Variants in HKDC1 observed in about 807,000 individuals in gnomAD.
HKDC1 encodes hexokinase HKDC1.
A neutral mutation model predicts 96.6 loss-of-function variants in HKDC1; 66 were observed. The observed-to-expected ratio is 0.68, with a 90% CI of 0.56 to 0.84. The LOEUF (loss-of-function observed/expected upper bound fraction) is 0.84, where lower values mean the gene tolerates loss of function less well. Ranked by LOEUF, HKDC1 falls within the 40% of genes least tolerant of loss-of-function variation. The probability of loss-of-function intolerance (pLI) is 0.00; values close to 1 mark genes in which losing one functional copy is unlikely to be tolerated. For synonymous variants in HKDC1, 466 were observed against 473.1 expected (o/e 0.98, Z 0.20); for missense variants, 1,211 against 1,208.1 (o/e 1.00, Z -0.04).
At chr10:69,250,992 G>A (rs1843633570) in intron 12 of HKDC1, among the ~76,000 whole-genome samples, 1 of 151,446 alleles carries the variant, frequency 6.6e-6, no homozygotes, top group Non-Finnish European at 1.5e-5. Flanking sequence ...AATACGATCT[G>A]TGTCTTTCTG....
chr10:69,246,260 C>A, intron 8 of HKDC1, 26 bp downstream of exon 8: 1 of 1,609,472 alleles, frequency 6.2e-7, no homozygotes, highest in East Asian at 2.2e-5. Flanking sequence ...TGCCTTGGCT[C>A]TGTGGAGGGC....
chr10:69,222,932 G>A (rs549298587), intron 1 of HKDC1: 1 of 152,154 alleles, frequency 6.6e-6, no homozygotes, highest in Non-Finnish European at 1.5e-5. Context: ...CCCCTTCTTC[G>A]TCTCTGTGCT....
intron 4 of HKDC1, among the ~76,000 whole-genome samples, chr10:69,237,492 G>A (rs1005843725): frequency 6.6e-6 from 1 of 152,136 alleles, no homozygotes; most frequent in Admixed American, 6.6e-5. Flanking sequence ...TTAAATACAA[G>A]TGTTATCCTG....
intron 12 of HKDC1, among the ~76,000 whole-genome samples, chr10:69,253,340 T>G (rs990365764): frequency 1.3e-5 from 2 of 152,122 alleles, no homozygotes; most frequent in Admixed American, 1.3e-4. Context: ...CCTCTGCCAG[T>G]GCCCACACAG....
Position 69,258,893 on chromosome 10 carries a change from T to C in HKDC1, c.2150T>C (p.Ile717Thr), listed in dbSNP as rs200454007. ...EWGGFGDNGC[I>T]DDIWTRYDTE... ...GGAGGATTTGGAGACAATGGCTGCATAGATGACATCTGGACCCGATACGAC... is the reference window on the plus strand; with the variant it reads ...GGAGGATTTGGAGACAATGGCTGCACAGATGACATCTGGACCCGATACGAC... Residue 717 changes from isoleucine (I) to threonine (T), a missense_variant, in exon 15 of 18, where the codon ATA (isoleucine) becomes ACA (threonine). By Grantham distance (89) the Ile-to-Thr change is moderately conservative (BLOSUM62 -1). Transcript: ENST00000354624. The C allele has an allele frequency of 1.3e-4, 208 of 1,611,918 alleles. No individual in the cohort carries two copies. Among genetic ancestry groups the C allele is most frequent in the Non-Finnish European group, 1.6e-4 (190 of 1,179,336 alleles).
At chr10:69,228,139 G>A (rs1314167730) in intron 2 of HKDC1, among the ~76,000 whole-genome samples, 2 of 152,148 alleles carry the variant, frequency 1.3e-5, no homozygotes, top group Non-Finnish European at 2.9e-5. Context: ...CGTTCCTTCT[G>A]GAAGCTTGAG....
In HKDC1 at chr10:69,247,541, C is replaced by G. The variant is rs764742218; in HGVS notation, c.1213C>G (p.Arg405Gly). 6.2e-7 allele frequency: 1 copy of G among 1,614,128 alleles called. No individual in the cohort carries two copies. The highest frequency in any genetic ancestry group is 8.5e-7 in the Non-Finnish European group (1 of 1,180,012). Residue 405 changes from arginine (R) to glycine (G), a missense_variant, in exon 9 of 18, where the codon CGG (arginine) becomes GGG (glycine). Transcript: ENST00000354624. ...TRLRENKKVE[R>G]LRTTVGMDGT... ...CCTCCGGGAGAACAAGAAGGTGGAA[C>G]GGCTCCGGACCACAGTGGGCATGGA... is the stretch of plus-strand genomic sequence containing the variant.
At chr10:69,248,294 C>T in intron 9 of HKDC1, 130 bp from the exon 10 acceptor site, 2 of 906,630 alleles carry the variant, frequency 2.2e-6, no homozygotes, top group Non-Finnish European at 3.3e-6. Context: ...CCCCTCCCTA[C>T]CATCAGCAAA....
In HKDC1 at chr10:69,233,046, T is replaced by C. The variant is rs1422334263; in HGVS notation, c.408T>C (p.Asp136=). 1 of 1,614,174 alleles carries C rather than the reference T, an allele frequency of 6.2e-7. No homozygotes were observed. Among genetic ancestry groups the C allele is most frequent in the South Asian group, 1.1e-5 (1 of 91,088 alleles). The change falls in exon 4 of 18, where the codon GAT becomes GAC. Residue 136 remains aspartate, a synonymous_variant. Transcript: ENST00000354624. ...AATATGTAGCTGACTGTCTGGCAGA[T>C]TTCATGAAGACCAAAGATTTAAAGC... ...LFEYVADCLA[D]FMKTKDLKHK...
Position 69,250,603 on chromosome 10 carries a change from C to T in HKDC1, c.1787C>T (p.Pro596Leu), listed in dbSNP as rs200097243. ...DYMGLKGASL[P>L]LGFTFSFPCR... ...ATGGGCCTCAAGGGAGCCTCCCTAC[C>T]TTTGGGCTTCACATTCTCATTTCCC... The change falls in exon 12 of 18, where the codon CCT (proline) becomes CTT (leucine). Residue 596 changes from proline to leucine, a missense_variant. By Grantham distance (98) the Pro-to-Leu change is moderately conservative. Coordinates refer to ENST00000354624, the MANE Select transcript of HKDC1 (RefSeq NM_025130.4). 6.2e-7 allele frequency: 1 copy of T among 1,614,070 alleles called. No individual in the cohort carries two copies. The highest frequency in any genetic ancestry group is 2.2e-5 in the East Asian group (1 of 44,884).
In HKDC1 at chr10:69,250,376, C is replaced by T. The variant is rs200078170; in HGVS notation, c.1657C>T (p.Arg553Ter). Reference protein sequence around the residue: ...VKIRSGRRSVRMYNKIFAIPL... With the variant: ...VKIRSGRRSV ...GATCAGAAGTGGACGGAGGTCAGTG[C>T]GAATGTACAACAAGATCTTCGCCAT... Residue 553 changes from arginine (R) to a stop codon, truncating the protein, a stop_gained, in exon 11 of 18, where the codon CGA (arginine) becomes TGA (stop). Coordinates refer to ENST00000354624, the MANE Select transcript of HKDC1 (RefSeq NM_025130.4). LOFTEE classifies it high-confidence loss of function. 1.2e-5 allele frequency: 20 copies of T among 1,614,060 alleles called. No homozygotes were observed. Among genetic ancestry groups the T allele is most frequent in the South Asian group, 5.5e-5 (5 of 91,072 alleles).
intron 6 of HKDC1, among the ~76,000 whole-genome samples, chr10:69,241,405 G>A (rs925228054): frequency 2.6e-5 from 4 of 152,310 alleles, no homozygotes; most frequent in Middle Eastern, 3.4e-3. Context: ...TCACTGTAAG[G>A]TCACCGGCTT....
At chr10:69,256,884 C>T (rs1843723749) in intron 12 of HKDC1, 152 bp from the exon 13 acceptor site, 2 of 648,238 alleles carry the variant, frequency 3.1e-6, no homozygotes, top group East Asian at 2.8e-5. Context: ...GCTGCTGTGC[C>T]CAGGGTTAGG....
intron 16 of HKDC1, chr10:69,262,112 G>C (rs368392345): frequency 2.3e-6 from 1 of 434,444 alleles, no homozygotes; most frequent in South Asian, 1.7e-5. Flanking sequence ...ACTAGACATC[G>C]TAAATGGTGA....
chr10:69,246,638 C>T (rs1843545682), intron 8 of HKDC1, among the ~76,000 whole-genome samples: 1 of 152,212 alleles, frequency 6.6e-6, no homozygotes, highest in South Asian at 2.1e-4. Flanking sequence ...TTGTGGAATC[C>T]AAGTCCAGAA....
intron 1 of HKDC1, among the ~76,000 whole-genome samples, chr10:69,223,834 C>T (rs556339322): frequency 2.7e-4 from 40 of 150,726 alleles, no homozygotes; most frequent in Middle Eastern, 6.8e-3. Context: ...CCGCCCGCCT[C>T]GGCCTCCCAA....
Position 69,265,568 on chromosome 10 carries a change from T to C in HKDC1, c.2373-17T>C. ...TCCTGGGAAGCAGGTCCTGACTCCCTGCTCTATTGCCTGCAGCGATCGGCT... is the reference window on the plus strand; with the variant it reads ...TCCTGGGAAGCAGGTCCTGACTCCCCGCTCTATTGCCTGCAGCGATCGGCT... On this transcript the variant is annotated splice_polypyrimidine_tract_variant and intron_variant, in intron 16 of 17. Coordinates refer to ENST00000354624, the MANE Select transcript of HKDC1 (RefSeq NM_025130.4). 1.2e-6 allele frequency: 2 copies of C among 1,612,078 alleles called. No homozygotes were observed. Among genetic ancestry groups the C allele is most frequent in the African/African-American group, 1.3e-5 (1 of 74,990 alleles).
At chr10:69,260,418 A>G (rs1415430626) in intron 15 of HKDC1, among the ~76,000 whole-genome samples, 1 of 152,216 alleles carries the variant, frequency 6.6e-6, no homozygotes, top group Non-Finnish European at 1.5e-5. Flanking sequence ...AGTTCATTCT[A>G]GTTAGCTTTG....
At position 69,238,999 on chromosome 10, in the gene HKDC1, C is replaced by G. The variant is rs375435985; in HGVS notation, c.496-43C>G. 28 of 1,438,274 alleles carry G rather than the reference C, an allele frequency of 1.9e-5. No individual in the cohort carries two copies. The African/African-American group carries it at 3.9e-4, about 20-fold the overall frequency. 89.1% of individuals were successfully genotyped at this position (1,438,274 alleles called of 1,614,324 possible). A position where few individuals can be genotyped will look rare whatever the true frequency, so the allele number is the denominator to read the frequency against. ...GTTTCTGCGGCTCAGTTGCACATCT[C>G]AGCACGTCTTTCATTCAAACTGGAC... On this transcript the variant is annotated intron_variant, in intron 4 of 17. Transcript: ENST00000354624.
Sources: gnomAD v4.1 joint callset for allele counts (sites outside exome capture counted in the v4.1 genomes callset) on GRCh38, gnomAD v4.1.1 for gene constraint, MANE v1.5 for transcripts, NCBI Gene and HGNC (gene_info 2026-07-23, HGNC 2026-07-21) for gene names.